The following PCDHGB7 variants were observed in gnomAD, a reference collection of about 807,000 sequenced individuals.
PCDHGB7 encodes protocadherin gamma subfamily B, 7, also known as protocadherin gamma-B7.
In PCDHGB7, 37 loss-of-function variants were observed where a neutral mutation model predicts 61.4. That is an observed-to-expected ratio of 0.60 (90% CI 0.46 to 0.79). The LOEUF (loss-of-function observed/expected upper bound fraction) is 0.79. Among genes scored for constraint, PCDHGB7 ranks in the 30% least tolerant of loss-of-function variants. The pLI, the probability that PCDHGB7 is intolerant of heterozygous loss-of-function variation, is 0.00. For synonymous variants in PCDHGB7, 464 were observed against 503.5 expected (o/e 0.92, Z 1.05); for missense variants, 1,166 against 1,202.5 (o/e 0.97, Z 0.45).
chr5:141,446,087 A>G (rs2154561251), intron 1 of PCDHGB7, among the ~76,000 whole-genome samples: 1 of 152,370 alleles, frequency 6.6e-6, no homozygotes, highest in Non-Finnish European at 1.5e-5. Flanking sequence ...GTAGAAATAA[A>G]TGGATGAATT....
At chr5:141,448,086 TA>T (rs558292628) in intron 1 of PCDHGB7, among the ~76,000 whole-genome samples, 67 of 146,274 alleles carry the variant, frequency 4.6e-4, no homozygotes, top group African/African-American at 8.0e-4. Context: ...AATGCCATCT[TA>T]AAAAAAAAAA....
In PCDHGB7 at chr5:141,477,380, G is replaced by C; in HGVS notation, c.2416-17427G>C. The C allele has an allele frequency of 6.2e-7, 1 of 1,614,116 alleles. No homozygotes were observed. The highest frequency in any genetic ancestry group is 8.5e-7 in the Non-Finnish European group (1 of 1,180,028). On this transcript the variant is annotated intron_variant, in intron 1 of 3. Transcript: ENST00000398594. The surrounding 1 kb of genome is among the most constrained non-coding windows in gnomAD (Gnocchi z 4.9). ...AGACCTGGATCGGGAGACTGTGCCA[G>C]AATACAACCTCAGCATCACCGCCCG...
chr5:141,458,553 T>G (rs987591790), intron 1 of PCDHGB7, among the ~76,000 whole-genome samples: 24 of 146,852 alleles, frequency 1.6e-4, no homozygotes, highest in Non-Finnish European at 2.5e-4. Flanking sequence ...TGTTTGTTTG[T>G]TTTGGTTTTG....
At chr5:141,468,697 T>A (rs2099174099) in intron 1 of PCDHGB7, 1 of 151,646 alleles carries the variant, frequency 6.6e-6, no homozygotes, top group Non-Finnish European at 1.5e-5. Context: ...AAACCCCGTC[T>A]CTACTAAAAA....
At chr5:141,474,148 A>G (rs773360112) in intron 1 of PCDHGB7, among the ~76,000 whole-genome samples, 4 of 152,244 alleles carry the variant, frequency 2.6e-5, no homozygotes, top group Non-Finnish European at 5.9e-5. Context: ...CTTATTATCA[A>G]GAAAATGACA....
chr5:141,434,889 A>C (rs1213631251), intron 1 of PCDHGB7, among the ~76,000 whole-genome samples: 2 of 151,512 alleles, frequency 1.3e-5, no homozygotes, highest in African/African-American at 4.8e-5. Context: ...ACAACAATCC[A>C]GTCCCCTTCC....
chr5:141,454,657 CG>C (rs1313292109), intron 1 of PCDHGB7, among the ~76,000 whole-genome samples: 1 of 152,074 alleles, frequency 6.6e-6, no homozygotes, highest in Admixed American at 6.6e-5. Flanking sequence ...CTGCCCACCT[CG>C]GCCTCCCAAA....
chr5:141,497,084 G>A (rs1417389801), intron 2 of PCDHGB7, among the ~76,000 whole-genome samples: 1 of 152,098 alleles, frequency 6.6e-6, no homozygotes, highest in East Asian at 1.9e-4. Context: ...AGCGACTTAG[G>A]AGGCTGAGGC....
At chr5:141,474,215 A>G (rs1393533136) in intron 1 of PCDHGB7, among the ~76,000 whole-genome samples, 1 of 152,216 alleles carries the variant, frequency 6.6e-6, no homozygotes, top group East Asian at 1.9e-4. Context: ...CAAAAACCAG[A>G]TTGTGAATTA....
Position 141,485,627 on chromosome 5 carries a change from T to C in PCDHGB7, c.2416-9180T>C. 3 of 1,612,072 alleles carry C rather than the reference T, an allele frequency of 1.9e-6. No individual in the cohort carries two copies. Among genetic ancestry groups the C allele is most frequent in the Non-Finnish European group, 2.5e-6 (3 of 1,178,530 alleles). On this transcript the variant is annotated intron_variant, in intron 1 of 3. Transcript: ENST00000398594. This position sits in a 1 kb window ranked among gnomAD's most constrained non-coding sequence, Gnocchi z 5.7. ...GGAGGCAGCTCCTCCAGGACAGCGT[T>C]TCCCGTTGGAAAAGGCTCAGGATGC...
chr5:141,500,520 T>A (rs2099801106), intron 2 of PCDHGB7, among the ~76,000 whole-genome samples: 1 of 152,194 alleles, frequency 6.6e-6, no homozygotes, highest in South Asian at 2.1e-4. Context: ...AGCTTCATTT[T>A]AAAAAAATCT....
chr5:141,487,323 G>A lies in PCDHGB7; in HGVS notation c.2416-7484G>A, dbSNP rs374901235. Reference sequence around the variant, plus strand: ...GTGGCACTACTCTCTAAGTGTCTTCGTGGGGCAGCCTGTGGAGTCACATGC... The same window carrying A: ...GTGGCACTACTCTCTAAGTGTCTTCATGGGGCAGCCTGTGGAGTCACATGC... On this transcript the variant is annotated intron_variant, in intron 1 of 3. Coordinates refer to ENST00000398594, the MANE Select transcript of PCDHGB7 (RefSeq NM_018927.4). The surrounding 1 kb of genome is among the most constrained non-coding windows in gnomAD (Gnocchi z 5.0). 4.0e-5 allele frequency: 65 copies of A among 1,613,982 alleles called. No homozygotes were observed. Among genetic ancestry groups the A allele is most frequent in the Non-Finnish European group, 4.7e-5 (56 of 1,180,012 alleles).
intron 1 of PCDHGB7, among the ~76,000 whole-genome samples, chr5:141,457,046 T>A (rs2098905373): frequency 6.6e-6 from 1 of 152,198 alleles, no homozygotes; most frequent in South Asian, 2.1e-4. Flanking sequence ...ATAGTAAAAC[T>A]TTCATGCTTC....
rs200045647 is a variant in PCDHGB7, at chr5:141,490,150, G to A, written c.2416-4657G>A. 50 of 1,614,246 alleles carry A rather than the reference G, an allele frequency of 3.1e-5. No individual in the cohort carries two copies. The Admixed American group carries it at 7.7e-4, about 25-fold the overall frequency. On this transcript the variant is annotated intron_variant, in intron 1 of 3. Transcript: ENST00000398594. The surrounding 1 kb of genome is among the most constrained non-coding windows in gnomAD (Gnocchi z 5.4). ...AGACCCTAGCAGTGGGGCAATCCAT[G>A]TGTTGGGTCCCATAGACTTTGAGGA...
intron 1 of PCDHGB7, among the ~76,000 whole-genome samples, chr5:141,460,737 G>GTA (rs1393989215): frequency 2.0e-5 from 3 of 150,700 alleles, no homozygotes; most frequent in East Asian, 1.9e-4. Context: ...TATACACATT[G>GTA]TATATATATG....
At chr5:141,422,446 A>G in intron 1 of PCDHGB7, 1 of 1,610,700 alleles carries the variant, frequency 6.2e-7, no homozygotes, top group South Asian at 1.1e-5. Context: ...CAAATTGATA[A>G]CAAGCAGAGT....
At chr5:141,437,195 A>G (rs2097867163) in intron 1 of PCDHGB7, among the ~76,000 whole-genome samples, 2 of 152,180 alleles carry the variant, frequency 1.3e-5, no homozygotes, top group African/African-American at 4.8e-5. Context: ...ATGGGTTTGG[A>G]TGTGTTTACA....
At chr5:141,503,620 A>C (rs1475731896) in intron 2 of PCDHGB7, among the ~76,000 whole-genome samples, 1 of 152,026 alleles carries the variant, frequency 6.6e-6, no homozygotes, top group East Asian at 1.9e-4. Flanking sequence ...AAAAAGAAAA[A>C]AGAAAAGAAA....
At chr5:141,430,379 T>C (rs1174248880) in intron 1 of PCDHGB7, among the ~76,000 whole-genome samples, 1 of 149,570 alleles carries the variant, frequency 6.7e-6, no homozygotes, top group Non-Finnish European at 1.5e-5. Flanking sequence ...AAAAAGCTCA[T>C]TGGGAAAAAA....
Sources: allele counts gnomAD v4.1 joint callset (sites outside exome capture counted in the v4.1 genomes callset), GRCh38; gene constraint gnomAD v4.1.1; non-coding constraint Gnocchi (gnomAD v3.1); transcripts MANE v1.5; gene names NCBI Gene and HGNC (gene_info 2026-07-23, HGNC 2026-07-21).